The following CACNA1A variants were observed in gnomAD, a reference collection of about 807,000 sequenced individuals.
The protein encoded by CACNA1A is calcium voltage-gated channel subunit alpha1 A, also known as voltage-dependent P/Q-type calcium channel subunit alpha-1A.
CACNA1A carries 57 observed loss-of-function variants against 262.4 expected under a neutral mutation model. That is an observed-to-expected ratio of 0.22 (90% CI 0.18 to 0.27). CACNA1A has a LOEUF of 0.27. Among genes scored for constraint, CACNA1A ranks in the 10% least tolerant of loss-of-function variants. The pLI, the probability that CACNA1A is intolerant of heterozygous loss-of-function variation, is 1.00. For synonymous variants in CACNA1A, 1,431 were observed against 1,419.3 expected, an observed-to-expected ratio of 1.01 and a Z score of -0.18; for missense variants, 2,526 against 3,562.8, an observed-to-expected ratio of 0.71 and a Z score of 7.41.
intron 3 of CACNA1A, among the ~76,000 whole-genome samples, chr19:13,439,108 ATTTTTTT>A (rs939229748): frequency 7.3e-6 from 1 of 137,208 alleles, no homozygotes; most frequent in Non-Finnish European, 1.6e-5. Context: ...TTGTCCTCAA[ATTTTTTT>A]TTTTTTTTTT....
rs74652672 is a variant in CACNA1A at position 13,247,229 on chromosome 19, C to G, written c.4867-1964G>C. 1.8e-4 allele frequency among the ~76,000 whole-genome samples: 28 copies of G among 152,344 alleles called. No homozygotes were observed. The East Asian group carries it at 5.2e-3, about 28-fold the overall frequency. On this transcript the variant is annotated intron_variant, in intron 30 of 46. Coordinates refer to ENST00000360228, the MANE Select transcript of CACNA1A (RefSeq NM_001127222.2). ...CCCCTCTACCTTACAGAGAAGGAGC[C>G]TGACCTTAGAGCTGTGCTTCCCTCC...
intron 3 of CACNA1A, among the ~76,000 whole-genome samples, chr19:13,394,598 T>A (rs1051919372): frequency 6.6e-6 from 1 of 152,144 alleles, no homozygotes; most frequent in Non-Finnish European, 1.5e-5. Context: ...ATTTTGGCTT[T>A]AACGACCATT....
chr19:13,243,178 C>G (rs148658835), intron 31 of CACNA1A, among the ~76,000 whole-genome samples: 144 of 152,330 alleles, frequency 9.5e-4, no homozygotes, highest in Non-Finnish European at 1.0e-3. Flanking sequence ...AAACTCAGGA[C>G]AGGGGAGAAT....
At chr19:13,318,161 G>A (rs2058165068) in intron 10 of CACNA1A, among the ~76,000 whole-genome samples, 1 of 152,064 alleles carries the variant, frequency 6.6e-6, no homozygotes, top group Non-Finnish European at 1.5e-5. Context: ...AAGCATCACA[G>A]AGGGACTGGG....
At chr19:13,320,674 C>A (rs1376924332) in intron 10 of CACNA1A, among the ~76,000 whole-genome samples, 3 of 152,066 alleles carry the variant, frequency 2.0e-5, no homozygotes, top group African/African-American at 7.2e-5. Flanking sequence ...ATGCTAGGCA[C>A]TGTCACTTCT....
At chr19:13,232,426 T>C (rs2144632747) in intron 34 of CACNA1A, among the ~76,000 whole-genome samples, 1 of 152,064 alleles carries the variant, frequency 6.6e-6, no homozygotes, top group African/African-American at 2.4e-5. Flanking sequence ...CTGGTCACTG[T>C]TATGCTTTAA....
intron 6 of CACNA1A, among the ~76,000 whole-genome samples, chr19:13,347,434 C>G (rs2058812680): frequency 6.6e-6 from 1 of 152,102 alleles, no homozygotes; most frequent in Non-Finnish European, 1.5e-5. Context: ...CTGTTTTATT[C>G]TATCCCGGAC....
chr19:13,285,581 C>T (rs1465639532), intron 20 of CACNA1A, among the ~76,000 whole-genome samples: 5 of 152,156 alleles, frequency 3.3e-5, no homozygotes, highest in Middle Eastern at 6.8e-3. Flanking sequence ...CCCCTATCCT[C>T]GTTGGACCTT....
intron 38 of CACNA1A, among the ~76,000 whole-genome samples, chr19:13,218,348 G>A (rs1314388551): frequency 6.6e-6 from 1 of 152,168 alleles, no homozygotes; most frequent in Non-Finnish European, 1.5e-5. Context: ...ACTGGAGACT[G>A]AGTAACTACG....
intron 6 of CACNA1A, among the ~76,000 whole-genome samples, chr19:13,341,026 C>T (rs931318084): frequency 5.3e-5 from 8 of 152,062 alleles, no homozygotes; most frequent in East Asian, 3.9e-4. Context: ...GAGCTATGAT[C>T]GCACCACTGC....
rs1391023665 is a variant in CACNA1A at position 13,298,596 on chromosome 19, A to G, written c.3037T>C (p.Tyr1013His). The G allele has an allele frequency of 6.5e-7, 1 of 1,540,830 alleles. No homozygotes were observed. Among genetic ancestry groups the G allele is most frequent in the South Asian group, 1.2e-5 (1 of 83,640 alleles). The change falls in exon 19 of 47, where the codon TAC becomes CAC. Residue 1013 changes from tyrosine to histidine, a missense_variant. Transcript: ENST00000360228. ...RRHRHGAPAT[Y>H]EGDARREDKE... ...TCCTCCCTCCGCGCGTCCCCCTCGT[A>G]CGTGGCTGGAGCGCCATGCCGGTGC...
chr19:13,211,582 G>A (rs1469815216), intron 43 of CACNA1A: 2 of 156,724 alleles, frequency 1.3e-5, no homozygotes, highest in Non-Finnish European at 2.8e-5. Flanking sequence ...CCCATATGCA[G>A]ACACGTGTGC....
intron 26 of CACNA1A, chr19:13,259,918 AACCTT>A (rs1465507017): frequency 3.7e-6 from 2 of 538,978 alleles, no homozygotes; most frequent in South Asian, 4.2e-5. Context: ...GTGATGGCAC[AACCTT>A]ACTCCTGGTG....
intron 1 of CACNA1A, among the ~76,000 whole-genome samples, chr19:13,460,220 A>G (rs2061094690): frequency 6.6e-6 from 1 of 152,188 alleles, no homozygotes. Context: ...CAGAACCTGC[A>G]TTTAAAAAGA....
At chr19:13,318,379 G>T (rs1179685974) in intron 10 of CACNA1A, among the ~76,000 whole-genome samples, 1 of 152,148 alleles carries the variant, frequency 6.6e-6, no homozygotes, top group East Asian at 1.9e-4. Context: ...AGAGGAAGGT[G>T]GTGAAGGCAG....
intron 36 of CACNA1A, among the ~76,000 whole-genome samples, chr19:13,228,336 G>A (rs2055544218): frequency 6.6e-6 from 1 of 151,904 alleles, no homozygotes; most frequent in African/African-American, 2.4e-5. Flanking sequence ...GGGAGGTGAG[G>A]GGTGGAGGGG....
intron 1 of CACNA1A, among the ~76,000 whole-genome samples, chr19:13,482,579 C>T (rs1979462063): frequency 1.3e-5 from 2 of 152,096 alleles, no homozygotes; most frequent in Non-Finnish European, 2.9e-5. Context: ...AGTGACGTGT[C>T]CACTAAACCT....
chr19:13,220,639 G>A (rs2055186797), intron 38 of CACNA1A, among the ~76,000 whole-genome samples: 2 of 152,122 alleles, frequency 1.3e-5, no homozygotes, highest in Non-Finnish European at 2.9e-5. Flanking sequence ...TGACCTACAG[G>A]ACTGTGAGCT....
chr19:13,349,439 C>T (rs946124936), intron 6 of CACNA1A, among the ~76,000 whole-genome samples: 7 of 152,304 alleles, frequency 4.6e-5, no homozygotes, highest in African/African-American at 1.7e-4. Flanking sequence ...GGGTCAGGGA[C>T]CTTCCCCTGT....
Sources: gnomAD v4.1 joint callset for allele counts (sites outside exome capture counted in the v4.1 genomes callset) on GRCh38, gnomAD v4.1.1 for gene constraint, MANE v1.5 for transcripts, NCBI Gene and HGNC (gene_info 2026-07-23, HGNC 2026-07-21) for gene names.